TENM3: variants seen among roughly 807,000 people sequenced by gnomAD.
TENM3 encodes teneurin-3.
TENM3 carries 63 observed loss-of-function variants against 255.1 expected under a neutral mutation model. The ratio of observed to expected loss-of-function variants is 0.25; its 90% CI spans 0.20 to 0.30. The LOEUF is 0.30. Among genes scored for constraint, TENM3 ranks in the 10% least tolerant of loss-of-function variants. The pLI, the probability that TENM3 is intolerant of heterozygous loss-of-function variation, is 1.00. For synonymous variants in TENM3, 1,306 were observed against 1,322.3 expected (o/e 0.99, Z 0.27); for missense variants, 2,929 against 3,461.1 (o/e 0.85, Z 3.86).
rs138047271 is a variant in TENM3, at chr4:182,153,891, A to G, written c.-76+9137A>G. On this transcript the variant is annotated intron_variant, in intron 1 of 2. Coordinates refer to the TENM3 transcript ENST00000512480. ...GGATTGGTTGTGTAATTACCACTTC[A>G]ACTTTAAAAAGCCTCTATAATTCAC... Among the ~76,000 whole-genome samples the G allele has an allele frequency of 4.3e-3, 652 of 152,272 alleles. 7 individuals are homozygous for G. Among genetic ancestry groups the G allele is most frequent in the Non-Finnish European group, 5.5e-3 (377 of 67,994 alleles).
At chr4:182,643,324 T>A (rs190102756) in intron 5 of TENM3, among the ~76,000 whole-genome samples, 1 of 152,194 alleles carries the variant, frequency 6.6e-6, no homozygotes, top group Admixed American at 6.5e-5. Flanking sequence ...ATCGTATGTA[T>A]AACATGATAG....
the TENM3 span, among the ~76,000 whole-genome samples, chr4:182,085,467 G>C: frequency 6.6e-6 from 1 of 152,080 alleles, no homozygotes; most frequent in Non-Finnish European, 1.5e-5. Flanking sequence ...CGCCTATAAT[G>C]TGGGAAAACA....
At chr4:181,874,972 C>G in the TENM3 span, among the ~76,000 whole-genome samples, 1 of 152,204 alleles carries the variant, frequency 6.6e-6, no homozygotes, top group South Asian at 2.1e-4. Flanking sequence ...TTGTATATAT[C>G]GTGTCCAGTT....
At chr4:182,272,520 G>A (rs1300152580) in intron 1 of TENM3, among the ~76,000 whole-genome samples, 1 of 152,130 alleles carries the variant, frequency 6.6e-6, no homozygotes, top group Non-Finnish European at 1.5e-5. Context: ...ACAGAACTAC[G>A]ACACATACAT....
intron 3 of TENM3, among the ~76,000 whole-genome samples, chr4:182,542,467 A>G (rs1740979275): frequency 6.6e-6 from 1 of 152,120 alleles, no homozygotes; most frequent in African/African-American, 2.4e-5. Context: ...TTCTTGAAGG[A>G]GATGTTTTTC....
chr4:182,783,460 T>C (rs377623005), intron 24 of TENM3, among the ~76,000 whole-genome samples: 4 of 152,154 alleles, frequency 2.6e-5, no homozygotes, highest in Admixed American at 6.5e-5. Context: ...TGAGGGTAAC[T>C]CGACCTTTCT....
chr4:181,725,375 T>A, the TENM3 span, among the ~76,000 whole-genome samples: 2 of 152,098 alleles, frequency 1.3e-5, no homozygotes, highest in African/African-American at 4.8e-5. Context: ...GTTACACCAT[T>A]TAAAACTGCA....
At chr4:181,660,771 C>T in the TENM3 span, among the ~76,000 whole-genome samples, 1 of 152,076 alleles carries the variant, frequency 6.6e-6, no homozygotes, top group Non-Finnish European at 1.5e-5. Flanking sequence ...ATCCCTCATT[C>T]AATATGTTTT....
chr4:182,007,823 G>T, the TENM3 span, among the ~76,000 whole-genome samples: 2 of 152,116 alleles, frequency 1.3e-5, no homozygotes, highest in African/African-American at 4.8e-5. Flanking sequence ...TAGTGTCATT[G>T]GTCTTTATAT....
At chr4:182,237,530 G>A (rs372286799) in intron 1 of TENM3, among the ~76,000 whole-genome samples, 22 of 152,168 alleles carry the variant, frequency 1.4e-4, no homozygotes, top group African/African-American at 3.9e-4. Flanking sequence ...GCCTGGCTAC[G>A]TCTGTAATCC....
chr4:181,585,783 C>T, the TENM3 span, among the ~76,000 whole-genome samples: 1 of 152,100 alleles, frequency 6.6e-6, no homozygotes, highest in Non-Finnish European at 1.5e-5. Context: ...GTGAAAGAAA[C>T]CTTTATTTCA....
chr4:182,178,812 C>G (rs538719032), intron 1 of TENM3, among the ~76,000 whole-genome samples: 79 of 152,272 alleles, frequency 5.2e-4, no homozygotes, highest in African/African-American at 1.9e-3. Flanking sequence ...AAAGTGTTTT[C>G]TAGTTAATGT....
the TENM3 span, among the ~76,000 whole-genome samples, chr4:182,094,371 G>A: frequency 1.5e-4 from 23 of 151,672 alleles, no homozygotes; most frequent in African/African-American, 4.6e-4. Flanking sequence ...TCAGCCTCCC[G>A]AGTAGCTGGG....
chr4:182,252,532 T>C (rs1168030199), intron 1 of TENM3, among the ~76,000 whole-genome samples: 1 of 152,212 alleles, frequency 6.6e-6, no homozygotes, highest in Non-Finnish European at 1.5e-5. Flanking sequence ...CAACTGACTT[T>C]TAAATAAGAT....
chr4:182,652,380 C>T (rs950190651), intron 5 of TENM3, among the ~76,000 whole-genome samples: 6 of 152,064 alleles, frequency 3.9e-5, no homozygotes, highest in East Asian at 3.9e-4. Flanking sequence ...CCAAATAGTT[C>T]GGTAACCTGG....
At chr4:181,968,098 G>A in the TENM3 span, among the ~76,000 whole-genome samples, 1 of 152,120 alleles carries the variant, frequency 6.6e-6, no homozygotes, top group Non-Finnish European at 1.5e-5. Flanking sequence ...AGCACCAGAA[G>A]CCCAGATTGG....
In TENM3 at chr4:182,796,761, T is replaced by C. The variant is rs956796236; in HGVS notation, c.7338T>C (p.Asp2446=). 3 of 1,605,718 alleles carry C rather than the reference T, an allele frequency of 1.9e-6. No individual in the cohort carries two copies. Among genetic ancestry groups the C allele is most frequent in the African/African-American group, 1.3e-5 (1 of 74,958 alleles). ...YELVKSQQWD[D]IPPIFGVQQQ... Reference sequence around the variant, plus strand: ...TTGTGAAGAGTCAGCAGTGGGATGATATACCGGTAAGAAACAAAAAGACCT... The same window carrying C: ...TTGTGAAGAGTCAGCAGTGGGATGACATACCGGTAAGAAACAAAAAGACCT... The change falls in exon 27 of 28, where the codon GAT becomes GAC. Residue 2446 remains aspartate (D), a synonymous_variant. Coordinates refer to ENST00000511685, the MANE Select transcript of TENM3 (RefSeq NM_001080477.4).
At chr4:182,670,276 A>T (rs891330479) in intron 6 of TENM3, among the ~76,000 whole-genome samples, 3 of 152,356 alleles carry the variant, frequency 2.0e-5, no homozygotes. Flanking sequence ...TGATTACTAT[A>T]ACTCAATTTG....
At chr4:181,743,605 C>A in the TENM3 span, among the ~76,000 whole-genome samples, 1 of 152,030 alleles carries the variant, frequency 6.6e-6, no homozygotes, top group Middle Eastern at 3.2e-3. Flanking sequence ...GCGAATGCAG[C>A]AGAGGGGCTC....
Sources: gnomAD v4.1 joint callset for allele counts (sites outside exome capture counted in the v4.1 genomes callset) on GRCh38, gnomAD v4.1.1 for gene constraint, MANE v1.5 for transcripts, NCBI Gene and HGNC (gene_info 2026-07-23, HGNC 2026-07-21) for gene names.